Variants in TACC3 observed in about 807,000 individuals in gnomAD.
TACC3 encodes the protein transforming acidic coiled-coil containing protein 3, also known as transforming acidic coiled-coil-containing protein 3.
Under a neutral mutation model 86.0 loss-of-function variants are expected in TACC3, and 52 were observed. That is an observed-to-expected ratio of 0.60 (90% CI 0.48 to 0.76). TACC3 has a LOEUF of 0.76. Ranked by LOEUF, TACC3 falls within the 30% of genes least tolerant of loss-of-function variation. The probability of loss-of-function intolerance (pLI) is 0.00; values close to 1 mark genes in which losing one functional copy is unlikely to be tolerated. For missense variants in TACC3, 1,120 were observed against 1,070.4 expected (o/e 1.05, Z -0.65); for synonymous variants, 512 against 430.0 (o/e 1.19, Z -2.36).
chr4:1,739,945 T>C lies in TACC3; in HGVS notation c.2019-14T>C, dbSNP rs777217517. On this transcript the variant is annotated splice_polypyrimidine_tract_variant and intron_variant, in intron 11 of 15. Transcript: ENST00000313288. The stretch of plus-strand genomic sequence containing the variant: ...ACCCGAGGCAATGGCTGTGTGTCTG[T>C]TCTCCTCCCACAGGAAGATCATGGA... The C allele has an allele frequency of 1.9e-6, 3 of 1,613,052 alleles. No homozygotes were observed. The highest frequency in any genetic ancestry group is 3.3e-5 in the Admixed American group (2 of 60,012).
chr4:1,740,761 C>T (rs1718554093), intron 12 of TACC3, 65 bp from the exon 13 acceptor site: 2 of 1,464,488 alleles, frequency 1.4e-6, no homozygotes, highest in Non-Finnish European at 1.9e-6. Context: ...ATTCCTTGGG[C>T]TGTCTCTGGC....
chr4:1,741,142 C>T, intron 13 of TACC3, 156 bp downstream of exon 13: 3 of 684,284 alleles, frequency 4.4e-6, no homozygotes, highest in Non-Finnish European at 2.4e-6. Context: ...AGACAGGGTG[C>T]AGGAGTCACA....
chr4:1,720,919 C>T (rs900536532), upstream of TACC3: 28 of 1,125,802 alleles, frequency 2.5e-5, no homozygotes, highest in African/African-American at 4.6e-4. This position sits in a 1 kb window ranked among gnomAD's most constrained non-coding sequence, Gnocchi z 4.4. Flanking sequence ...CCGGACCTGT[C>T]GGTTGCGGCG....
intron 11 of TACC3, 23 bp downstream of exon 11, chr4:1,739,801 C>T: frequency 1.9e-6 from 3 of 1,575,176 alleles, no homozygotes; most frequent in Non-Finnish European, 8.6e-7. Flanking sequence ...CGTCTCCTGT[C>T]CTCCCCGTCC....
At position 1,735,638 on chromosome 4, in the gene TACC3, G is replaced by A; in HGVS notation, c.1645-93G>A. ...GGGTGGGAGTGTGCGGGTGACCGGGGGTGGGAGTGTGCAGGTGACCTCCCT... is the reference window on the plus strand; with the variant it reads ...GGGTGGGAGTGTGCGGGTGACCGGGAGTGGGAGTGTGCAGGTGACCTCCCT... On this transcript the variant is annotated intron_variant, in intron 7 of 15. Transcript: ENST00000313288. The surrounding 1 kb of genome is among the most constrained non-coding windows in gnomAD (Gnocchi z 4.2). The A allele has an allele frequency of 1.0e-6, 1 of 995,604 alleles. No individual in the cohort carries two copies. The highest frequency in any genetic ancestry group is 1.6e-6 in the Non-Finnish European group (1 of 633,110). The allele number at this position is 995,604 out of a possible 1,614,324, so 61.7% of individuals were successfully genotyped here. A position where few individuals can be genotyped will look rare whatever the true frequency, so the allele number is the denominator to read the frequency against.
chr4:1,736,569 A>G (rs1178079203), intron 8 of TACC3, among the ~76,000 whole-genome samples: 1 of 152,112 alleles, frequency 6.6e-6, no homozygotes, highest in African/African-American at 2.4e-5. Flanking sequence ...CTTTCACACT[A>G]CAAGGCCAGA....
intron 12 of TACC3, chr4:1,740,247 G>GAGCT: frequency 1.7e-6 from 1 of 584,274 alleles, no homozygotes; most frequent in Admixed American, 3.1e-5. Context: ...TGCAGATGCT[G>GAGCT]AGCTAGCAGT....
At position 1,728,780 on chromosome 4, in the gene TACC3, C is replaced by CT. The variant is rs1411207073; in HGVS notation, c.1379dup (p.Ser461GlufsTer46). 5.0e-6 allele frequency: 8 copies of CT among 1,604,150 alleles called. No individual in the cohort carries two copies. Among genetic ancestry groups the CT allele is most frequent in the Admixed American group, 1.7e-5 (1 of 59,060 alleles). On this transcript the variant is annotated frameshift_variant, in exon 4 of 16. Transcript: ENST00000313288. LOFTEE classifies it high-confidence loss of function. ...TGCCACGGAGGAGCCAGGTCCCTGT[C>CT]TGAGCCAGTAAGTGTGAGGATGGGA... is the stretch of plus-strand genomic sequence containing the variant.
At chr4:1,738,522 A>G (rs1560319026) in intron 10 of TACC3, among the ~76,000 whole-genome samples, 1 of 152,342 alleles carries the variant, frequency 6.6e-6, no homozygotes, top group South Asian at 2.1e-4. Flanking sequence ...TGGCCCCTGC[A>G]TGTAACTTAT....
intron 3 of TACC3, among the ~76,000 whole-genome samples, chr4:1,724,127 C>T (rs1412304704): frequency 1.3e-5 from 2 of 151,636 alleles, no homozygotes; most frequent in Non-Finnish European, 2.9e-5. Context: ...TGCCACCACG[C>T]CCGGCTAATT....
chr4:1,740,931 C>G lies in TACC3; in HGVS notation c.2168C>G (p.Ser723Cys). 4 of 1,612,754 alleles carry G rather than the reference C, an allele frequency of 2.5e-6. 1 individual carries two copies. The South Asian group carries it at 4.4e-5, about 18-fold the overall frequency. The stretch of plus-strand genomic sequence containing the variant: ...CTGAACTCCATGGAGAAGTCCTTCT[C>G]CGACCTCTTCAAGCGTTTTGAGAAA... ...TDLNSMEKSF[S>C]DLFKRFEKQK... Residue 723 changes from serine to cysteine, a missense_variant, in exon 13 of 16, where the codon TCC becomes TGC. Physicochemically the swap from Ser to Cys is moderately radical, Grantham distance 112. Transcript: ENST00000313288.
Position 1,731,215 on chromosome 4 carries a change from G to A in TACC3, c.1505G>A (p.Cys502Tyr). Residue 502 changes from cysteine to tyrosine, a missense_variant, in exon 6 of 16, where the codon TGT becomes TAT. By Grantham distance (194) the Cys-to-Tyr change is radical. Transcript: ENST00000313288. ...GCCAGCACCTCGCTTCCCACAAGCT[G>A]TCCAGGCAGTGAGCCAGTGCCCACC... ...NSASTSLPTS[C>Y]PGSEPVPTHQ... The A allele has an allele frequency of 1.2e-6, 2 of 1,613,430 alleles. No individual in the cohort carries two copies. Among genetic ancestry groups the A allele is most frequent in the African/African-American group, 1.3e-5 (1 of 75,066 alleles).
chr4:1,735,204 A>G lies in TACC3; in HGVS notation c.1592-69A>G. The G allele has an allele frequency of 6.3e-7, 1 of 1,590,172 alleles. No individual in the cohort carries two copies. The highest frequency in any genetic ancestry group is 8.6e-7 in the Non-Finnish European group (1 of 1,159,646). On this transcript the variant is annotated intron_variant, in intron 6 of 15. Transcript: ENST00000313288. The surrounding 1 kb of genome is among the most constrained non-coding windows in gnomAD (Gnocchi z 4.2). ...ATCCTGCCTCACTGAGTGCTGAGGGAGACACCAGCCCGCCGCCCTTAGGGC... is the reference window on the plus strand; with the variant it reads ...ATCCTGCCTCACTGAGTGCTGAGGGGGACACCAGCCCGCCGCCCTTAGGGC...
chr4:1,728,537 CAGGAGGTGG>C lies in TACC3; in HGVS notation c.1142_1150del (p.Val381_Glu383del). On this transcript the variant is annotated inframe_deletion, in exon 4 of 16. Coordinates refer to ENST00000313288, the MANE Select transcript of TACC3 (RefSeq NM_006342.3). ...AGCAGTGAGGCAGCAAAAGGCCCCG[CAGGAGGTGG>C]AGGAGGACGACGGTAGGAGCGGAGC... 1 of 1,614,010 alleles carries C rather than the reference CAGGAGGTGG, an allele frequency of 6.2e-7. No individual in the cohort carries two copies. The highest frequency in any genetic ancestry group is 8.5e-7 in the Non-Finnish European group (1 of 1,179,980).
chr4:1,724,379 CTTTTTTTTTTTTTT>C (rs35896374), intron 3 of TACC3, among the ~76,000 whole-genome samples: 2 of 108,384 alleles, frequency 1.8e-5, no homozygotes, highest in Non-Finnish European at 3.7e-5. Flanking sequence ...TCATACTTCA[CTTTTTTTTTTTTTT>C]TTTTTTTTTT....
At position 1,735,671 on chromosome 4, in the gene TACC3, A is replaced by AG. The variant is rs2108704316; in HGVS notation, c.1645-59dup. On this transcript the variant is annotated intron_variant, in intron 7 of 15. Transcript: ENST00000313288. This position sits in a 1 kb window ranked among gnomAD's most constrained non-coding sequence, Gnocchi z 4.2. ...TGTGCAGGTGACCTCCCTGGCCCTT[A>AG]GCCCCCGTGTGTGTTAGGGGATGGC... The AG allele has an allele frequency of 7.7e-7, 1 of 1,301,240 alleles. No individual in the cohort carries two copies. The highest frequency in any genetic ancestry group is 1.1e-6 in the Non-Finnish European group (1 of 930,094). 80.6% of individuals were successfully genotyped at this position (1,301,240 alleles called of 1,614,324 possible). A position where few individuals can be genotyped will look rare whatever the true frequency, so the allele number is the denominator to read the frequency against.
Position 1,728,699 on chromosome 4 carries a change from G to C in TACC3, c.1297G>C (p.Glu433Gln). 1 of 1,613,624 alleles carries C rather than the reference G, an allele frequency of 6.2e-7. No individual in the cohort carries two copies. The highest frequency in any genetic ancestry group is 8.5e-7 in the Non-Finnish European group (1 of 1,180,024). ...KSGCSEAQPPESPETRLGQPA... is the reference protein window; with the variant it reads ...KSGCSEAQPPQSPETRLGQPA... ...TGGTTGCAGTGAGGCCCAGCCCCCA[G>C]AAAGCCCTGAGACCAGGCTGGGCCA... Residue 433 changes from glutamate to glutamine, a missense_variant, in exon 4 of 16, where the codon GAA (glutamate) becomes CAA (glutamine). Physicochemically the swap from Glu to Gln is conservative, Grantham distance 29. Coordinates refer to ENST00000313288, the MANE Select transcript of TACC3 (RefSeq NM_006342.3).
rs762941623 is a variant in TACC3, at chr4:1,728,355, C to A, written c.953C>A (p.Pro318His). Residue 318 changes from proline (P) to histidine (H), a missense_variant, in exon 4 of 16, where the codon CCT (proline) becomes CAT (histidine). Pro to His is a moderately conservative substitution (Grantham distance 77). Transcript: ENST00000313288. ...GCTGGCAGGGCCATGACCCTGAGTCCTCAGGAAGAAGTGGCTGCAGGCCAA... is the reference window on the plus strand; with the variant it reads ...GCTGGCAGGGCCATGACCCTGAGTCATCAGGAAGAAGTGGCTGCAGGCCAA... The part of the protein sequence containing the change: ...LVAGRAMTLS[P>H]QEEVAAGQMA... 5 of 1,613,054 alleles carry A rather than the reference C, an allele frequency of 3.1e-6. No individual in the cohort carries two copies. In the Admixed American group the frequency reaches 8.3e-5, roughly 27 times the overall value.
Position 1,737,559 on chromosome 4 carries a change from G to T in TACC3, c.1837-39G>T. ...ACACTAGGTCAGAGGTAAGAGGCAA[G>T]GGCGAAATGGGTTCCTGTTTCATCC... On this transcript the variant is annotated intron_variant, in intron 9 of 15. Transcript: ENST00000313288. The T allele has an allele frequency of 2.8e-6, 4 of 1,450,472 alleles. No individual in the cohort carries two copies. The South Asian group carries it at 5.6e-5, about 20-fold the overall frequency. 89.9% of individuals were successfully genotyped at this position (1,450,472 alleles called of 1,614,324 possible). A position where few individuals can be genotyped will look rare whatever the true frequency, so the allele number is the denominator to read the frequency against.
Sources: gnomAD v4.1 joint callset for allele counts (sites outside exome capture counted in the v4.1 genomes callset) on GRCh38, gnomAD v4.1.1 for gene constraint, Gnocchi (gnomAD v3.1) non-coding constraint, MANE v1.5 for transcripts, NCBI Gene and HGNC (gene_info 2026-07-23, HGNC 2026-07-21) for gene names.